The following PPP2R3A variants were observed in gnomAD, a reference collection of about 807,000 sequenced individuals.
PPP2R3A encodes serine/threonine-protein phosphatase 2A regulatory subunit B'' subunit alpha.
In PPP2R3A, 80 loss-of-function variants were observed where a neutral mutation model predicts 106.9. The observed-to-expected ratio is 0.75, with a 90% CI of 0.62 to 0.90. The LOEUF is 0.90. PPP2R3A is among the 40% of genes least tolerant of loss of function. PPP2R3A has a pLI of 0.00. For synonymous variants in PPP2R3A, 483 were observed against 468.3 expected (o/e 1.03, Z -0.41); for missense variants, 1,386 against 1,350.4 (o/e 1.03, Z -0.41).
chr3:136,124,341 A>G (rs1321863972), intron 13 of PPP2R3A, among the ~76,000 whole-genome samples: 1 of 152,086 alleles, frequency 6.6e-6, no homozygotes, highest in East Asian at 1.9e-4. Context: ...TTAGCCGGGC[A>G]TGGGGATGGC....
chr3:135,998,625 G>C (rs115606762), intron 1 of PPP2R3A, among the ~76,000 whole-genome samples: 4,632 of 152,140 alleles, frequency 0.03, 133 homozygotes, highest in Non-Finnish European at 0.038. Flanking sequence ...ACATTTTACT[G>C]TGTGGAATAT....
intron 2 of PPP2R3A, among the ~76,000 whole-genome samples, chr3:136,026,437 GA>G (rs2107821908): frequency 6.6e-6 from 1 of 152,278 alleles, no homozygotes; most frequent in East Asian, 1.9e-4. Context: ...CCTGTTGAAA[GA>G]GAGGTAAAAG....
chr3:136,090,304 T>C (rs937131462), intron 9 of PPP2R3A, among the ~76,000 whole-genome samples: 3 of 152,150 alleles, frequency 2.0e-5, no homozygotes, highest in African/African-American at 7.2e-5. Context: ...TAATCCTATA[T>C]CTAAATACAG....
intron 9 of PPP2R3A, among the ~76,000 whole-genome samples, chr3:136,088,829 T>C (rs147090919): frequency 2.0e-5 from 3 of 152,346 alleles, no homozygotes; most frequent in Non-Finnish European, 4.4e-5. Flanking sequence ...TGATTTGCAT[T>C]TCTCTAATGA....
At chr3:136,064,469 C>T (rs1936195125) in intron 5 of PPP2R3A, among the ~76,000 whole-genome samples, 1 of 151,856 alleles carries the variant, frequency 6.6e-6, no homozygotes, top group African/African-American at 2.4e-5. Flanking sequence ...ATGTGTTTTT[C>T]AAATGTGTTT....
rs757985836 is a variant in PPP2R3A at position 136,101,997 on chromosome 3, T to C, written c.2928-10T>C. 3.1e-6 allele frequency: 5 copies of C among 1,609,488 alleles called. No homozygotes were observed. In the East Asian group the frequency reaches 6.7e-5, roughly 22 times the overall value. ...CCAGGCCCATGATAATGATTGTCCTTATCATCTAGCATTGAGTATTGGTTC... is the reference window on the plus strand; with the variant it reads ...CCAGGCCCATGATAATGATTGTCCTCATCATCTAGCATTGAGTATTGGTTC... On this transcript the variant is annotated splice_polypyrimidine_tract_variant and intron_variant, in intron 10 of 13. Coordinates refer to ENST00000264977, the MANE Select transcript of PPP2R3A (RefSeq NM_002718.5).
intron 8 of PPP2R3A, among the ~76,000 whole-genome samples, chr3:136,085,292 C>A (rs1186451217): frequency 2.0e-5 from 3 of 152,218 alleles, no homozygotes; most frequent in African/African-American, 4.8e-5. Context: ...GGGAGTTCCC[C>A]CACACACACC....
Position 136,002,298 on chromosome 3 carries a change from GTAA to G in PPP2R3A, c.802_804del (p.Asn268del). 1.2e-6 allele frequency: 2 copies of G among 1,613,762 alleles called. No individual in the cohort carries two copies. Among genetic ancestry groups the G allele is most frequent in the Middle Eastern group, 3.3e-4 (2 of 6,062 alleles). On this transcript the variant is annotated inframe_deletion, in exon 2 of 14. Transcript: ENST00000264977. ...GGGAGTAGCATCAGTGAAGGAAGTGGTAATGATACAATTTCTAGCTCTGAAACT... is the reference window on the plus strand; with the variant it reads ...GGGAGTAGCATCAGTGAAGGAAGTGGTGATACAATTTCTAGCTCTGAAACT...
At chr3:135,982,916 T>C (rs1347252784) in intron 1 of PPP2R3A, among the ~76,000 whole-genome samples, 1 of 152,236 alleles carries the variant, frequency 6.6e-6, no homozygotes, top group Admixed American at 6.5e-5. Context: ...GGTGGTACTA[T>C]TGAGCCCACA....
rs146488192 is a variant in PPP2R3A, at chr3:135,967,784, G to A, written c.-441+1935G>A. ...ACCACCCTCAGAAGTGCAATTGACA[G>A]CTCTTTTGAGTGTTATCGTCCTCTG... On this transcript the variant is annotated intron_variant, in intron 1 of 13. Coordinates refer to ENST00000264977, the MANE Select transcript of PPP2R3A (RefSeq NM_002718.5). Among the ~76,000 whole-genome samples, 528 of 152,256 alleles carry A rather than the reference G, an allele frequency of 3.5e-3. 4 individuals carry two copies. The highest frequency in any genetic ancestry group is 0.012 in the African/African-American group (490 of 41,524).
In PPP2R3A at chr3:136,106,951, A is replaced by AAAAAAAAAAC. The variant is rs1559924142; in HGVS notation, c.3329+632_3329+633insAAAAAACAAA. On this transcript the variant is annotated intron_variant, in intron 13 of 13. Transcript: ENST00000264977. ...CAAAAAAAAAAAAAAAAAAAAAAAA[A>AAAAAAAAAAC]AAACTAAAGCTCCTTCAATAATAAT... The AAAAAAAAAAC allele has an allele frequency of 1.1e-4, 14 of 123,498 alleles. 2 individuals carry two copies. Among genetic ancestry groups the AAAAAAAAAAC allele is most frequent in the Non-Finnish European group, 7.3e-5 (4 of 55,066 alleles). 7.7% of individuals were successfully genotyped at this position (123,498 alleles called of 1,614,324 possible).
intron 1 of PPP2R3A, among the ~76,000 whole-genome samples, chr3:135,989,102 G>GT (rs1054954665): frequency 1.3e-5 from 2 of 152,018 alleles, no homozygotes. Context: ...CAAATAAAAC[G>GT]TTTTTTGGAG....
chr3:136,032,724 C>T (rs924319229), intron 3 of PPP2R3A, among the ~76,000 whole-genome samples: 10 of 151,932 alleles, frequency 6.6e-5, no homozygotes, highest in African/African-American at 1.5e-4. Context: ...TTAGTAGAGA[C>T]GGGGTTTCAC....
chr3:135,990,420 C>T lies in PPP2R3A; in HGVS notation c.-440-10639C>T, dbSNP rs557429684. Among the ~76,000 whole-genome samples the T allele has an allele frequency of 2.3e-4, 35 of 152,202 alleles. No individual in the cohort carries two copies. In the South Asian group the frequency reaches 7.1e-3, roughly 31 times the overall value. ...GACCCAGGAGGAGCTCAATAAATAC[C>T]TCTTAAATGAATTGGCCTATTATTT... On this transcript the variant is annotated intron_variant, in intron 1 of 13. Transcript: ENST00000264977.
intron 1 of PPP2R3A, among the ~76,000 whole-genome samples, chr3:135,998,377 A>C (rs146186840): frequency 4.5e-4 from 68 of 152,384 alleles, no homozygotes; most frequent in Non-Finnish European, 8.5e-4. Flanking sequence ...ACAAGTGAAC[A>C]ATGACAAAAT....
chr3:136,025,505 T>C (rs147407815), intron 2 of PPP2R3A, among the ~76,000 whole-genome samples: 1 of 152,186 alleles, frequency 6.6e-6, no homozygotes, highest in East Asian at 1.9e-4. Context: ...TGGGCTATTA[T>C]GACAAAAATA....
rs570770804 is a variant in PPP2R3A, at chr3:136,032,755, C to T, written c.2262+5657C>T. On this transcript the variant is annotated intron_variant, in intron 3 of 13. Transcript: ENST00000264977. ...TTCACCATGTTAGCCAGGATGGTCT[C>T]GATCTCCTGACCTCGTGATCTGCCC... 1.1e-4 allele frequency among the ~76,000 whole-genome samples: 16 copies of T among 152,166 alleles called. No homozygotes were observed. In the South Asian group the frequency reaches 3.1e-3, roughly 30 times the overall value.
rs1298674840 is a variant in PPP2R3A at position 136,145,583 on chromosome 3, T to C, written c.*417T>C. On this transcript the variant is annotated 3_prime_UTR_variant, in exon 14 of 14. Coordinates refer to ENST00000264977, the MANE Select transcript of PPP2R3A (RefSeq NM_002718.5). ...TTGCAGAAAACTTGAGTCAGAAAAT[T>C]CTGGAACTTGAAAAAGTAGTAAGGG... 2 of 153,008 alleles carry C rather than the reference T, an allele frequency of 1.3e-5. No homozygotes were observed. The highest frequency in any genetic ancestry group is 4.8e-5 in the African/African-American group (2 of 41,444). The allele number at this position is 153,008 out of a possible 1,614,324, so 9.5% of individuals were successfully genotyped here.
At chr3:135,999,738 G>C (rs1175979822) in intron 1 of PPP2R3A, among the ~76,000 whole-genome samples, 2 of 151,948 alleles carry the variant, frequency 1.3e-5, no homozygotes, top group Non-Finnish European at 2.9e-5. Context: ...GATGACTCGT[G>C]AAAAGTTCAT....
Sources: allele counts gnomAD v4.1 joint callset (sites outside exome capture counted in the v4.1 genomes callset), GRCh38; gene constraint gnomAD v4.1.1; transcripts MANE v1.5; gene names NCBI Gene and HGNC (gene_info 2026-07-23, HGNC 2026-07-21).